Variants in OOSP3 observed in about 807,000 individuals in gnomAD.
OOSP3 encodes the protein oocyte-secreted protein 3.
At chr11:59,883,565 C>T (rs1224735986) in intron 2 of OOSP3, among the ~76,000 whole-genome samples, 1 of 152,122 alleles carries the variant, frequency 6.6e-6, no homozygotes, top group Non-Finnish European at 1.5e-5. Context: ...TGAACAGGCA[C>T]CATAATGTAC....
Position 59,895,662 on chromosome 11 carries a change from C to T in OOSP3, c.501+10C>T. The T allele has an allele frequency of 2.5e-6, 1 of 398,276 alleles. No individual in the cohort carries two copies. Among genetic ancestry groups the T allele is most frequent in the Non-Finnish European group, 4.4e-6 (1 of 225,888 alleles). The allele number at this position is 398,276 out of a possible 1,614,324, so 24.7% of individuals were successfully genotyped here. A position where few individuals can be genotyped will look rare whatever the true frequency, so the allele number is the denominator to read the frequency against. On this transcript the variant is annotated intron_variant, in intron 4 of 4. Coordinates refer to ENST00000646438, the Ensembl canonical transcript of OOSP3. ...TTTTCAAAACTCCTCGGTGAGGATCCTTAGAAGAGACAAAACATGGCAGTG... is the reference window on the plus strand; with the variant it reads ...TTTTCAAAACTCCTCGGTGAGGATCTTTAGAAGAGACAAAACATGGCAGTG...
At chr11:59,879,083 G>T (rs1371956789) in intron 1 of OOSP3, among the ~76,000 whole-genome samples, 1 of 152,164 alleles carries the variant, frequency 6.6e-6, no homozygotes, top group Non-Finnish European at 1.5e-5. Context: ...TTGAGAAAGA[G>T]CTAGTTTTAT....
chr11:59,881,113 C>A (rs569961702), intron 2 of OOSP3, among the ~76,000 whole-genome samples: 31 of 152,278 alleles, frequency 2.0e-4, no homozygotes, highest in African/African-American at 7.0e-4. Context: ...ATAATCCCAG[C>A]AGTTTGGGAG....
At chr11:59,884,094 A>T (rs777049518) in intron 2 of OOSP3, among the ~76,000 whole-genome samples, 1 of 152,236 alleles carries the variant, frequency 6.6e-6, no homozygotes, top group South Asian at 2.1e-4. Flanking sequence ...AGAAGGGAAG[A>T]ATCTTGCCGT....
At chr11:59,893,047 T>C (rs901797946) in intron 2 of OOSP3, among the ~76,000 whole-genome samples, 2 of 152,222 alleles carry the variant, frequency 1.3e-5, no homozygotes, top group South Asian at 4.1e-4. Context: ...ATTGAATACA[T>C]AATTACCAAG....
At chr11:59,886,998 T>C (rs1460520119) in intron 2 of OOSP3, among the ~76,000 whole-genome samples, 4 of 152,126 alleles carry the variant, frequency 2.6e-5, no homozygotes, top group African/African-American at 9.7e-5. Flanking sequence ...TTTCACAATG[T>C]TGGCCAGGCT....
At chr11:59,883,086 C>T (rs1853219016) in intron 2 of OOSP3, among the ~76,000 whole-genome samples, 1 of 152,078 alleles carries the variant, frequency 6.6e-6, no homozygotes, top group Non-Finnish European at 1.5e-5. Context: ...ATTTCTAGCT[C>T]AAATGGTAAC....
At chr11:59,879,371 AAT>A (rs1229033711) in intron 1 of OOSP3, among the ~76,000 whole-genome samples, 2 of 152,156 alleles carry the variant, frequency 1.3e-5, no homozygotes, top group Admixed American at 1.3e-4. Flanking sequence ...CATTAATATT[AAT>A]AGTTTTATTT....
At chr11:59,879,927 G>A (rs1443814719) in intron 1 of OOSP3, among the ~76,000 whole-genome samples, 1 of 152,134 alleles carries the variant, frequency 6.6e-6, no homozygotes, top group Non-Finnish European at 1.5e-5. Flanking sequence ...TAAACTCAAG[G>A]CCAGCACACC....
intron 2 of OOSP3, among the ~76,000 whole-genome samples, chr11:59,885,835 G>A (rs564686796): frequency 5.3e-5 from 8 of 152,090 alleles, no homozygotes; most frequent in African/African-American, 1.9e-4. Context: ...CATAGAATGA[G>A]TTGAATAATG....
intron 2 of OOSP3, among the ~76,000 whole-genome samples, chr11:59,882,099 G>A (rs922714186): frequency 9.2e-5 from 14 of 152,100 alleles, no homozygotes; most frequent in African/African-American, 3.4e-4. Flanking sequence ...TATGGATATA[G>A]GGAAATCATT....
At chr11:59,890,913 A>G (rs377037524) in intron 2 of OOSP3, among the ~76,000 whole-genome samples, 1 of 152,314 alleles carries the variant, frequency 6.6e-6, no homozygotes, top group East Asian at 1.9e-4. Flanking sequence ...AGGTACTCCA[A>G]TCACTCATAG....
At chr11:59,888,207 C>T (rs1853279706) in intron 2 of OOSP3, among the ~76,000 whole-genome samples, 1 of 152,138 alleles carries the variant, frequency 6.6e-6, no homozygotes, top group South Asian at 2.1e-4. Flanking sequence ...TTGGCTGAGT[C>T]CATGGGGTTT....
chr11:59,878,915 T>G (rs1853176997), intron 1 of OOSP3, 34 bp downstream of exon 1: 1 of 398,380 alleles, frequency 2.5e-6, no homozygotes, highest in Admixed American at 4.4e-5. Context: ...TTGTTTGAAG[T>G]CATAGTTTCT....
chr11:59,888,539 T>C (rs1484446762), intron 2 of OOSP3, among the ~76,000 whole-genome samples: 1 of 152,194 alleles, frequency 6.6e-6, no homozygotes, highest in Non-Finnish European at 1.5e-5. Flanking sequence ...GCCTTTTCTG[T>C]ATCTATTGAG....
intron 2 of OOSP3, among the ~76,000 whole-genome samples, chr11:59,887,130 T>A (rs114532637): frequency 6.6e-6 from 1 of 151,994 alleles, no homozygotes; most frequent in Non-Finnish European, 1.5e-5. Context: ...TGTTGTTTTT[T>A]TTTTTGTAAA....
At chr11:59,890,307 G>T (rs1565219980) in intron 2 of OOSP3, among the ~76,000 whole-genome samples, 1 of 152,118 alleles carries the variant, frequency 6.6e-6, no homozygotes, top group Non-Finnish European at 1.5e-5. Flanking sequence ...GTGTGAATTT[G>T]GTCCTGTCAT....
At chr11:59,891,628 C>T (rs1481094440) in intron 2 of OOSP3, among the ~76,000 whole-genome samples, 2 of 152,334 alleles carry the variant, frequency 1.3e-5, no homozygotes, top group South Asian at 2.1e-4. Flanking sequence ...CCTGTGCCTT[C>T]CTCTGGGAGC....
At chr11:59,879,807 C>G (rs1203449313) in intron 1 of OOSP3, among the ~76,000 whole-genome samples, 1 of 152,152 alleles carries the variant, frequency 6.6e-6, no homozygotes, top group Non-Finnish European at 1.5e-5. Flanking sequence ...TACAGTTTCC[C>G]TTGTCTCTTC....
Sources: allele counts gnomAD v4.1 joint callset (sites outside exome capture counted in the v4.1 genomes callset), GRCh38; gene constraint gnomAD v4.1.1; transcripts MANE v1.5; gene names NCBI Gene and HGNC (gene_info 2026-07-23, HGNC 2026-07-21).